The following PLEKHA2 variants were observed in gnomAD, a reference collection of about 807,000 sequenced individuals.
PLEKHA2 encodes pleckstrin homology domain-containing family A member 2.
A neutral mutation model predicts 53.2 loss-of-function variants in PLEKHA2; 28 were observed. The observed-to-expected ratio is 0.53, with a 90% CI of 0.39 to 0.72. PLEKHA2 has a LOEUF of 0.72. Ranked by LOEUF, PLEKHA2 falls within the 30% of genes least tolerant of loss-of-function variation. PLEKHA2 has a pLI of 0.00. For synonymous variants in PLEKHA2, 193 were observed against 196.4 expected, an observed-to-expected ratio of 0.98 and a Z score of 0.14; for missense variants, 426 against 537.9, an observed-to-expected ratio of 0.79 and a Z score of 2.06.
At chr8:38,952,986 C>T (rs1834875321) in intron 8 of PLEKHA2, among the ~76,000 whole-genome samples, 1 of 152,118 alleles carries the variant, frequency 6.6e-6, no homozygotes, top group Non-Finnish European at 1.5e-5. Flanking sequence ...TCTCTGTCAC[C>T]TGTCACCCAG....
intron 10 of PLEKHA2, among the ~76,000 whole-genome samples, chr8:38,959,027 CA>C (rs1444769504): frequency 3.3e-5 from 5 of 151,640 alleles, no homozygotes; most frequent in African/African-American, 1.2e-4. Flanking sequence ...CTAATGTATG[CA>C]AATTGAGAAA....
rs1168424355 is a variant in PLEKHA2 at position 38,950,953 on chromosome 8, T to G, written c.449T>G (p.Ile150Ser). The G allele has an allele frequency of 6.2e-7, 1 of 1,613,632 alleles. No homozygotes were observed. The highest frequency in any genetic ancestry group is 8.5e-7 in the Non-Finnish European group (1 of 1,179,832). ...KKPQVAYKTE[I>S]IGGVVVHTPI... is the part of the protein sequence containing the mutation. Reference sequence around the variant, plus strand: ...CCACAGGTGGCCTACAAGACGGAGATCATTGGAGGGGTGGTGGTCCACACA... The same window carrying G: ...CCACAGGTGGCCTACAAGACGGAGAGCATTGGAGGGGTGGTGGTCCACACA... The change falls in exon 6 of 12, where the codon ATC becomes AGC. Residue 150 changes from isoleucine to serine, a missense_variant. Physicochemically the swap from Ile to Ser is moderately radical, Grantham distance 142. Transcript: ENST00000617275.
intron 1 of PLEKHA2, among the ~76,000 whole-genome samples, chr8:38,914,161 C>A (rs557952906): frequency 1.3e-5 from 2 of 152,244 alleles, no homozygotes; most frequent in Non-Finnish European, 2.9e-5. Flanking sequence ...TGCTCTTTGT[C>A]CCCTATCCTT....
rs568998038 is a variant in PLEKHA2 at position 38,932,587 on chromosome 8, C to T, written c.142-3407C>T. Among the ~76,000 whole-genome samples, 11 of 152,334 alleles carry T rather than the reference C, an allele frequency of 7.2e-5. No individual in the cohort carries two copies. In the East Asian group the frequency reaches 2.1e-3, roughly 29 times the overall value. On this transcript the variant is annotated intron_variant, in intron 2 of 11. Coordinates refer to ENST00000617275, the MANE Select transcript of PLEKHA2 (RefSeq NM_021623.2). ...CCTGACACCTGGCTAACCAGGCCCT[C>T]AGCTCAGGCATCCCCACTCTGTCTT... is the stretch of plus-strand genomic sequence containing the variant.
chr8:38,942,859 C>G (rs1588260179), intron 3 of PLEKHA2, among the ~76,000 whole-genome samples: 1 of 152,198 alleles, frequency 6.6e-6, no homozygotes, highest in Admixed American at 6.5e-5. Flanking sequence ...AATACCTCCT[C>G]TGTTTCTTGC....
At chr8:38,920,363 C>T (rs533214515) in intron 2 of PLEKHA2, among the ~76,000 whole-genome samples, 1 of 152,072 alleles carries the variant, frequency 6.6e-6, no homozygotes, top group South Asian at 2.1e-4. Context: ...ACTGTGTTAG[C>T]CAGGATGGTC....
chr8:38,933,257 A>T (rs890223439), intron 2 of PLEKHA2, among the ~76,000 whole-genome samples: 1 of 152,048 alleles, frequency 6.6e-6, no homozygotes, highest in African/African-American at 2.4e-5. Flanking sequence ...TCGGGACTCC[A>T]ATAGGAGGGG....
rs912288605 is a variant in PLEKHA2 at position 38,969,627 on chromosome 8, A to G, written c.1122A>G (p.Ser374=). The G allele has an allele frequency of 1.9e-6, 3 of 1,604,644 alleles. No homozygotes were observed. In the African/African-American group the frequency reaches 4.0e-5, roughly 21 times the overall value. ...AGCTGCTTCCACCTGGAGACACTTCAGAGGACTCCTTGTTCACGCCTCGTC... is the reference window on the plus strand; with the variant it reads ...AGCTGCTTCCACCTGGAGACACTTCGGAGGACTCCTTGTTCACGCCTCGTC... ...GEKLLPPGDT[S]EDSLFTPRPG... The change falls in exon 12 of 12, where the codon TCA becomes TCG. Residue 374 remains serine (S), a synonymous_variant. Coordinates refer to ENST00000617275, the MANE Select transcript of PLEKHA2 (RefSeq NM_021623.2).
intron 2 of PLEKHA2, among the ~76,000 whole-genome samples, chr8:38,933,778 T>TAAAAAAA (rs774899490): frequency 2.0e-5 from 1 of 49,018 alleles, no homozygotes; most frequent in African/African-American, 7.1e-5. Flanking sequence ...AGAGGTTTCC[T>TAAAAAAA]AAAAAAAAAA....
chr8:38,926,782 T>G lies in PLEKHA2; in HGVS notation c.141+8712T>G, dbSNP rs145793432. On this transcript the variant is annotated intron_variant, in intron 2 of 11. Coordinates refer to ENST00000617275, the MANE Select transcript of PLEKHA2 (RefSeq NM_021623.2). ...CTGTCTCTACTAAAAGTACAATAAT[T>G]AGCAGGGCATGGTGGCAAGCTACTC... 8.8e-3 allele frequency among the ~76,000 whole-genome samples: 1,332 copies of G among 152,164 alleles called. 26 individuals are homozygous for G. The highest frequency in any genetic ancestry group is 0.03 in the African/African-American group (1,244 of 41,516).
At position 38,953,398 on chromosome 8, in the gene PLEKHA2, C is replaced by G. The variant is rs1259178209; in HGVS notation, c.773+31C>G. The G allele has an allele frequency of 4.5e-6, 7 of 1,553,794 alleles. No individual in the cohort carries two copies. In the Admixed American group the frequency reaches 1.2e-4, roughly 26 times the overall value. ...TGTGTCTGCTTTTTCTCTTCTAATCCAAACCTCCATTTGTCCTCTTAAATC... is the reference window on the plus strand; with the variant it reads ...TGTGTCTGCTTTTTCTCTTCTAATCGAAACCTCCATTTGTCCTCTTAAATC... On this transcript the variant is annotated intron_variant, in intron 9 of 11. Coordinates refer to ENST00000617275, the MANE Select transcript of PLEKHA2 (RefSeq NM_021623.2).
intron 2 of PLEKHA2, among the ~76,000 whole-genome samples, chr8:38,928,827 G>A (rs957868831): frequency 1.4e-4 from 21 of 152,162 alleles, no homozygotes; most frequent in Non-Finnish European, 1.5e-4. Context: ...GTGTCCCCGC[G>A]TTAGCATCAG....
In PLEKHA2 at chr8:38,950,790, G is replaced by T. The variant is rs1834819230; in HGVS notation, c.346-60G>T. The T allele has an allele frequency of 2.7e-5, 43 of 1,567,806 alleles. No homozygotes were observed. In the East Asian group the frequency reaches 9.5e-4, roughly 35 times the overall value. On this transcript the variant is annotated intron_variant, in intron 5 of 11. Transcript: ENST00000617275. The stretch of plus-strand genomic sequence containing the variant: ...CTCACGGCAGCCCCATTCTGTTTTG[G>T]GCTCCCCATGTTTCCTAAATGTTCT...
rs111931866 is a variant in PLEKHA2, at chr8:38,905,753, C to T, written c.-24+4308C>T. On this transcript the variant is annotated intron_variant, in intron 1 of 11. Transcript: ENST00000617275. Reference sequence around the variant, plus strand: ...ATGCTGGAGTGCAGTGGCGCTATCTCGGCTCACTGCAACCTCCACCTCACA... The same window carrying T: ...ATGCTGGAGTGCAGTGGCGCTATCTTGGCTCACTGCAACCTCCACCTCACA... 7.0e-3 allele frequency among the ~76,000 whole-genome samples: 1,022 copies of T among 146,020 alleles called. 12 individuals are homozygous for T. Among genetic ancestry groups the T allele is most frequent in the African/African-American group, 0.023 (892 of 39,614 alleles).
intron 6 of PLEKHA2, 147 bp downstream of exon 6, chr8:38,951,137 G>C (rs1276258586): frequency 1.4e-6 from 1 of 725,942 alleles, no homozygotes; most frequent in East Asian, 3.4e-5. Flanking sequence ...GGAAAGTACA[G>C]GTCATGTTAC....
At chr8:38,919,648 G>C (rs575097823) in intron 2 of PLEKHA2, among the ~76,000 whole-genome samples, 13 of 152,326 alleles carry the variant, frequency 8.5e-5, no homozygotes, top group Non-Finnish European at 1.6e-4. Context: ...TAATCATCTA[G>C]TGATCTTGGG....
At chr8:38,953,978 T>C (rs1328914834) in intron 9 of PLEKHA2, among the ~76,000 whole-genome samples, 2 of 152,220 alleles carry the variant, frequency 1.3e-5, no homozygotes, top group East Asian at 3.8e-4. Context: ...GCAAGGGATC[T>C]CCTAGGTCCA....
In PLEKHA2 at chr8:38,959,768, G is replaced by A. The variant is rs143752196; in HGVS notation, c.837+2382G>A. On this transcript the variant is annotated intron_variant, in intron 10 of 11. Coordinates refer to ENST00000617275, the MANE Select transcript of PLEKHA2 (RefSeq NM_021623.2). Reference sequence around the variant, plus strand: ...ATTTTCCAGGACTTGAGAGTCAGTCGGATGAAGGGAGAGAGGACAGGTATG... The same window carrying A: ...ATTTTCCAGGACTTGAGAGTCAGTCAGATGAAGGGAGAGAGGACAGGTATG... Among the ~76,000 whole-genome samples the A allele has an allele frequency of 1.0e-3, 158 of 152,320 alleles. 1 individual carries two copies. Among genetic ancestry groups the A allele is most frequent in the African/African-American group, 3.4e-3 (141 of 41,572 alleles).
In PLEKHA2 at chr8:38,920,358, G is replaced by A. The variant is rs62504368; in HGVS notation, c.141+2288G>A. 3.3e-5 allele frequency among the ~76,000 whole-genome samples: 5 copies of A among 152,040 alleles called. No homozygotes were observed. In the South Asian group the frequency reaches 8.3e-4, roughly 25 times the overall value. On this transcript the variant is annotated intron_variant, in intron 2 of 11. Coordinates refer to ENST00000617275, the MANE Select transcript of PLEKHA2 (RefSeq NM_021623.2). ...TTTAGTAGAGACGGGGTTTCACTGTGTTAGCCAGGATGGTCTCAAGCTCCT... is the reference window on the plus strand; with the variant it reads ...TTTAGTAGAGACGGGGTTTCACTGTATTAGCCAGGATGGTCTCAAGCTCCT...
Sources: allele counts gnomAD v4.1 joint callset (sites outside exome capture counted in the v4.1 genomes callset), GRCh38; gene constraint gnomAD v4.1.1; transcripts MANE v1.5; gene names NCBI Gene and HGNC (gene_info 2026-07-23, HGNC 2026-07-21).